Variants in RAB9B observed in about 807,000 individuals in gnomAD.
The protein encoded by RAB9B is ras-related protein Rab-9B.
RAB9B carries 1 observed loss-of-function variant against 8.9 expected under a neutral mutation model. The ratio of observed to expected loss-of-function variants is 0.11; its 90% CI spans 0.04 to 0.53. The LOEUF is 0.53. RAB9B is among the 20% of genes least tolerant of loss of function. RAB9B has a pLI of 0.93. For missense variants in RAB9B, 82 were observed against 152.9 expected (o/e 0.54, Z 2.45); for synonymous variants, 63 against 57.0 (o/e 1.10, Z -0.47).
chrX:103,788,870 T>A, the RAB9B span: 2 of 287,449 alleles, frequency 7.0e-6, no homozygotes, highest in South Asian at 1.1e-4. Flanking sequence ...TTCATAGGTT[T>A]TATGAAAACA....
chrX:103,778,398 T>C, the RAB9B span, among the ~76,000 whole-genome samples: 1 of 112,127 alleles, frequency 8.9e-6, no homozygotes, highest in Non-Finnish European at 1.9e-5. Flanking sequence ...CAATTATGTG[T>C]GACCAGATGA....
At chrX:103,787,244 G>T in the RAB9B span, among the ~76,000 whole-genome samples, 1 of 111,928 alleles carries the variant, frequency 8.9e-6, no homozygotes, top group Non-Finnish European at 1.9e-5. Context: ...TTGCCTGAGG[G>T]TTATCCATGC....
At chrX:103,821,352 C>CAA (rs72322529), downstream of RAB9B, among the ~76,000 whole-genome samples, 22 of 90,937 alleles carry the variant, frequency 2.4e-4, no homozygotes, top group African/African-American at 7.7e-4. Context: ...GTACATGTGG[C>CAA]AAAAAAAAAA....
At chrX:103,788,060 G>A in the RAB9B span, 7 of 691,500 alleles carry the variant, frequency 1.0e-5, no homozygotes, top group Non-Finnish European at 1.6e-5. Flanking sequence ...TGGTGATTAT[G>A]AGAAAAATAT....
downstream of RAB9B, among the ~76,000 whole-genome samples, chrX:103,821,558 C>T (rs2074660875): frequency 9.0e-6 from 1 of 111,550 alleles, no homozygotes; most frequent in African/African-American, 3.3e-5. Flanking sequence ...CCATTGGGTG[C>T]TAATGTATCT....
chrX:103,813,745 C>CAAAAAAAAAAAAAA, the RAB9B span, among the ~76,000 whole-genome samples: 8 of 8,542 alleles, frequency 9.4e-4, 4 homozygotes, highest in African/African-American at 9.5e-4. Flanking sequence ...AAATGGAAAG[C>CAAAAAAAAAAAAAA]AAAAAAAAAA....
the RAB9B span, among the ~76,000 whole-genome samples, chrX:103,802,437 T>C: frequency 3.6e-5 from 4 of 111,681 alleles, no homozygotes; most frequent in South Asian, 1.1e-3. Flanking sequence ...AGGGCACTGA[T>C]AATTTTTCTA....
At chrX:103,827,574 A>C (rs1394958819) in intron 1 of RAB9B, among the ~76,000 whole-genome samples, 1 of 112,332 alleles carries the variant, frequency 8.9e-6, no homozygotes, top group Non-Finnish European at 1.9e-5. Context: ...AGAGAGCAGA[A>C]AAAAATTGTG....
chrX:103,809,290 G>A, the RAB9B span, among the ~76,000 whole-genome samples: 1 of 112,039 alleles, frequency 8.9e-6, no homozygotes, highest in African/African-American at 3.2e-5. Flanking sequence ...AGAACTGTAA[G>A]AGATAAATTT....
the RAB9B span, among the ~76,000 whole-genome samples, chrX:103,781,490 G>A: frequency 5.3e-5 from 6 of 112,217 alleles, no homozygotes; most frequent in East Asian, 5.6e-4. Flanking sequence ...ACACAACTTC[G>A]TTATATCCAT....
At chrX:103,815,552 T>C in the RAB9B span, among the ~76,000 whole-genome samples, 4 of 112,171 alleles carry the variant, frequency 3.6e-5, no homozygotes, top group African/African-American at 1.3e-4. Flanking sequence ...TCACCACTCC[T>C]ATTCAACATA....
chrX:103,802,189 A>G, the RAB9B span, among the ~76,000 whole-genome samples: 1 of 102,293 alleles, frequency 9.8e-6, no homozygotes, highest in Non-Finnish European at 2.0e-5. Context: ...AGAAGAAGAA[A>G]GAGAGAGAGA....
chrX:103,827,445 C>G (rs1270707566), intron 1 of RAB9B, among the ~76,000 whole-genome samples: 2 of 111,105 alleles, frequency 1.8e-5, no homozygotes, highest in African/African-American at 6.5e-5. Context: ...TGCTGAAATC[C>G]TAAGTCGGAG....
chrX:103,788,671 G>A, the RAB9B span: 1 of 529,021 alleles, frequency 1.9e-6, no homozygotes. Flanking sequence ...GAGCCAATGA[G>A]CATAGAAGGT....
the RAB9B span, among the ~76,000 whole-genome samples, chrX:103,778,125 T>C: frequency 8.9e-6 from 1 of 112,103 alleles, no homozygotes; most frequent in Non-Finnish European, 1.9e-5. Flanking sequence ...CTGCTACTTA[T>C]GAACTATGTG....
At chrX:103,820,703 A>C (rs1302035499), downstream of RAB9B, among the ~76,000 whole-genome samples, 3 of 110,677 alleles carry the variant, frequency 2.7e-5, no homozygotes, top group South Asian at 3.9e-4. Flanking sequence ...GTAATCCCAG[A>C]ACTTTGGGAG....
downstream of RAB9B, among the ~76,000 whole-genome samples, chrX:103,821,762 C>T (rs961611196): frequency 6.3e-5 from 7 of 111,208 alleles, no homozygotes; most frequent in Admixed American, 2.9e-4. Flanking sequence ...TTTTATGCAA[C>T]GTTGTTTATT....
the RAB9B span, among the ~76,000 whole-genome samples, chrX:103,812,635 C>T: frequency 8.9e-6 from 1 of 112,092 alleles, no homozygotes; most frequent in Non-Finnish European, 1.9e-5. Context: ...TGTGGAGGCA[C>T]AACTTCTCAG....
At chrX:103,790,915 A>G in the RAB9B span, 6 of 312,297 alleles carry the variant, frequency 1.9e-5, no homozygotes, top group African/African-American at 1.6e-4. Flanking sequence ...CCTGAGGATC[A>G]GAAAGTAATT....
Sources: allele counts gnomAD v4.1 joint callset (sites outside exome capture counted in the v4.1 genomes callset), GRCh38; gene constraint gnomAD v4.1.1; transcripts MANE v1.5; gene names NCBI Gene and HGNC (gene_info 2026-07-23, HGNC 2026-07-21).